AHNAK: variants seen among roughly 807,000 people sequenced by gnomAD.
AHNAK encodes the protein AHNAK nucleoprotein, also known as neuroblast differentiation-associated protein AHNAK.
In AHNAK, 23 loss-of-function variants were observed where a neutral mutation model predicts 37.8. That is an observed-to-expected ratio of 0.61 (90% CI 0.44 to 0.86). The LOEUF (loss-of-function observed/expected upper bound fraction) is 0.86, where lower values mean the gene tolerates loss of function less well. Among genes scored for constraint, AHNAK ranks in the 40% least tolerant of loss-of-function variants. The probability of loss-of-function intolerance (pLI) is 0.00; values close to 1 mark genes in which losing one functional copy is unlikely to be tolerated. For missense variants in AHNAK, 7,411 were observed against 7,319.4 expected, an observed-to-expected ratio of 1.01 and a Z score of -0.46; for synonymous variants, 2,481 against 2,636.3, an observed-to-expected ratio of 0.94 and a Z score of 1.80.
rs753840172 is a variant in AHNAK, at chr11:62,535,082, C to A, written c.263G>T (p.Arg88Leu). ...AGGCTCGGGAGAGCGGTCCCCCTTGCGGTGCAGCTTCAGGCCCACCGTGTG... is the reference window on the plus strand; with the variant it reads ...AGGCTCGGGAGAGCGGTCCCCCTTGAGGTGCAGCTTCAGGCCCACCGTGTG... ...GHHTVGLKLH[R>L]KGDRSPEPGQ... is the part of the protein sequence containing the mutation. Residue 88 changes from arginine (R) to leucine (L), a missense_variant, in exon 4 of 5, where the codon CGC (arginine) becomes CTC (leucine). Arg to Leu is a moderately radical substitution (Grantham distance 102, BLOSUM62 -2). Coordinates refer to ENST00000378024, the MANE Select transcript of AHNAK (RefSeq NM_001620.3). 3.7e-6 allele frequency: 6 copies of A among 1,614,028 alleles called. No homozygotes were observed. Among genetic ancestry groups the A allele is most frequent in the South Asian group, 2.2e-5 (2 of 91,074 alleles).
chr11:62,528,092 C>T lies in AHNAK; in HGVS notation c.6325G>A (p.Glu2109Lys). 1 of 1,612,590 alleles carries T rather than the reference C, an allele frequency of 6.2e-7. No individual in the cohort carries two copies. Among genetic ancestry groups the T allele is most frequent in the Non-Finnish European group, 8.5e-7 (1 of 1,179,648 alleles). Residue 2109 changes from glutamate to lysine, a missense_variant, in exon 5 of 5, where the codon GAG becomes AAG. Transcript: ENST00000378024. ...KLKGPKLKMP[E>K]MHFKAPKISM... ...ATCTTGGGGGCCTTGAAGTGCATCTCAGGCATCTTAAGCTTGGGGCCCTTC... is the reference window on the plus strand; with the variant it reads ...ATCTTGGGGGCCTTGAAGTGCATCTTAGGCATCTTAAGCTTGGGGCCCTTC...
chr11:62,528,276 C>T lies in AHNAK; in HGVS notation c.6141G>A (p.Lys2047=), dbSNP rs193043219. 94 of 1,614,110 alleles carry T rather than the reference C, an allele frequency of 5.8e-5. No homozygotes were observed. The African/African-American group carries it at 1.0e-3, about 18-fold the overall frequency. The change falls in exon 5 of 5, where the codon AAG becomes AAA. Residue 2047 remains lysine (K), a synonymous_variant. Transcript: ENST00000378024. ...ACTTGGGCATTTTCATCTTGGGCAT[C>T]TTCAGGTGCCAGTCTGGGCCATGAA... ...VDVHGPDWHL[K]MPKMKMPKFS... is the part of the protein sequence containing the mutation.
Position 62,526,259 on chromosome 11 carries a change from T to G in AHNAK, c.8158A>C (p.Lys2720Gln). The stretch of plus-strand genomic sequence containing the variant: ...GAAACATCCACATCACCCTTCACTT[T>G]GGGTCCTTTCAGGTTTAAGTCAATA... ...PDIDLNLKGP[K>Q]VKGDVDVSLP... The change falls in exon 5 of 5, where the codon AAA (lysine) becomes CAA (glutamine). Residue 2720 changes from lysine to glutamine, a missense_variant. Lys to Gln is a moderately conservative substitution (Grantham distance 53). Coordinates refer to ENST00000378024, the MANE Select transcript of AHNAK (RefSeq NM_001620.3). The G allele has an allele frequency of 6.2e-7, 1 of 1,613,824 alleles. No individual in the cohort carries two copies. The highest frequency in any genetic ancestry group is 1.1e-5 in the South Asian group (1 of 91,058).
intron 5 of AHNAK, among the ~76,000 whole-genome samples, chr11:62,450,672 C>G (rs1209089586): frequency 2.0e-5 from 3 of 152,230 alleles, no homozygotes; most frequent in Non-Finnish European, 4.4e-5. Context: ...TCTGCTCCCA[C>G]CGTCTCCCTT....
intron 4 of AHNAK, among the ~76,000 whole-genome samples, chr11:62,502,899 C>T (rs1268944576): frequency 6.6e-6 from 1 of 152,134 alleles, no homozygotes; most frequent in African/African-American, 2.4e-5. Flanking sequence ...GTAGCTAAGT[C>T]AAAAGCAGAG....
At chr11:62,457,434 C>T (rs1299915935) in intron 5 of AHNAK, among the ~76,000 whole-genome samples, 3 of 149,500 alleles carry the variant, frequency 2.0e-5, no homozygotes, top group Non-Finnish European at 4.4e-5. Flanking sequence ...GGTGACAGAC[C>T]GAGACTCCTT....
chr11:62,490,477 AG>A (rs1939486493), intron 5 of AHNAK, among the ~76,000 whole-genome samples: 1 of 152,062 alleles, frequency 6.6e-6, no homozygotes, highest in Admixed American at 6.5e-5. Context: ...CTGGGATTAC[AG>A]GCGTCAGCCA....
intron 5 of AHNAK, among the ~76,000 whole-genome samples, chr11:62,446,830 C>T (rs1349126386): frequency 6.6e-6 from 1 of 151,940 alleles, no homozygotes; most frequent in African/African-American, 2.4e-5. Flanking sequence ...AATCTTTACC[C>T]TCTCTCTCAC....
chr11:62,472,923 C>T (rs975125233), intron 5 of AHNAK, among the ~76,000 whole-genome samples: 2 of 150,802 alleles, frequency 1.3e-5, no homozygotes, highest in East Asian at 1.9e-4. Flanking sequence ...CTTGTCTCTA[C>T]TAAAAATACA....
At chr11:62,438,816 C>T (rs9645690) in intron 5 of AHNAK, among the ~76,000 whole-genome samples, 51,177 of 151,992 alleles carry the variant, frequency 0.34, 9,740 homozygotes, top group East Asian at 0.65. Context: ...GGCGTGGAGA[C>T]AACTGATTTG....
intron 4 of AHNAK, among the ~76,000 whole-genome samples, chr11:62,505,171 G>T (rs1018281656): frequency 2.0e-5 from 3 of 152,058 alleles, no homozygotes; most frequent in African/African-American, 4.8e-5. Flanking sequence ...CCTGGTCTCA[G>T]CAGCTTCCCG....
chr11:62,458,578 G>A (rs1217089778), intron 5 of AHNAK, among the ~76,000 whole-genome samples: 1 of 152,190 alleles, frequency 6.6e-6, no homozygotes, highest in African/African-American at 2.4e-5. Context: ...TGGAGGGTGG[G>A]AGGAGGGCAG....
chr11:62,515,594 A>G (rs759709112), downstream of AHNAK, among the ~76,000 whole-genome samples: 50 of 152,208 alleles, frequency 3.3e-4, no homozygotes, highest in Admixed American at 2.3e-3. Flanking sequence ...GAGGCCTTTT[A>G]ACTGTTCACA....
intron 5 of AHNAK, among the ~76,000 whole-genome samples, chr11:62,437,679 TTAGGAG>T (rs1325745514): frequency 6.6e-6 from 1 of 152,118 alleles, no homozygotes; most frequent in Non-Finnish European, 1.5e-5. Context: ...ACCCAAATAC[TTAGGAG>T]TAGAATTTCT....
In AHNAK at chr11:62,517,466, T is replaced by G; in HGVS notation, c.16951A>C (p.Ser5651Arg). 6.2e-7 allele frequency: 1 copy of G among 1,614,152 alleles called. No individual in the cohort carries two copies. Among genetic ancestry groups the G allele is most frequent in the Non-Finnish European group, 8.5e-7 (1 of 1,180,034 alleles). The change falls in exon 5 of 5, where the codon AGT becomes CGT. Residue 5651 changes from serine to arginine, a missense_variant. Physicochemically the swap from Ser to Arg is moderately radical, Grantham distance 110. Coordinates refer to ENST00000378024, the MANE Select transcript of AHNAK (RefSeq NM_001620.3). ...SVSGPQGHLE[S>R]GSGKVTFPKM... ...GGGAATGTTACTTTTCCAGATCCAC[T>G]TTCCAAGTGACCTTGAGGCCCAGAC...
At chr11:62,439,804 A>G (rs1373961987) in intron 5 of AHNAK, among the ~76,000 whole-genome samples, 2 of 151,104 alleles carry the variant, frequency 1.3e-5, no homozygotes, top group Non-Finnish European at 2.9e-5. Flanking sequence ...AGTAGGTGGG[A>G]CTATAGGCAC....
intron 5 of AHNAK, chr11:62,491,614 G>T: frequency 1.1e-6 from 1 of 949,056 alleles, no homozygotes; most frequent in Non-Finnish European, 1.6e-6. Flanking sequence ...CTGGGGTCCT[G>T]AGCCATATCC....
rs140429450 is a variant in AHNAK at position 62,531,602 on chromosome 11, T to A, written c.2815A>T (p.Met939Leu). ...GAGATCTTGGGGGCCTTGATATTCA[T>A]CTCTGGCATCTTGAACTTGGGGCCC... ...LKGPKFKMPE[M>L]NIKAPKISMP... The change falls in exon 5 of 5, where the codon ATG (methionine) becomes TTG (leucine). Residue 939 changes from methionine (M) to leucine (L), a missense_variant. Physicochemically the swap from Met to Leu is conservative, Grantham distance 15. Transcript: ENST00000378024. 72 of 1,613,668 alleles carry A rather than the reference T, an allele frequency of 4.5e-5. No homozygotes were observed. The highest frequency in any genetic ancestry group is 5.8e-5 in the Non-Finnish European group (68 of 1,179,940).
chr11:62,525,481 C>T lies in AHNAK; in HGVS notation c.8936G>A (p.Gly2979Asp). 1 of 1,613,618 alleles carries T rather than the reference C, an allele frequency of 6.2e-7. No individual in the cohort carries two copies. The highest frequency in any genetic ancestry group is 8.5e-7 in the Non-Finnish European group (1 of 1,179,942). Residue 2979 changes from glycine to aspartate, a missense_variant, in exon 5 of 5, where the codon GGC (glycine) becomes GAC (aspartate). Coordinates refer to ENST00000378024, the MANE Select transcript of AHNAK (RefSeq NM_001620.3). Reference protein sequence around the residue: ...DLHLKGPKVKGDVDISLPKVE... With the variant: ...DLHLKGPKVKDDVDISLPKVE... ...TTTGGGCAGAGAAATATCCACATCGCCCTTCACCTTGGGACCTTTCAGATG... is the reference window on the plus strand; with the variant it reads ...TTTGGGCAGAGAAATATCCACATCGTCCTTCACCTTGGGACCTTTCAGATG...
Sources: gnomAD v4.1 joint callset for allele counts (sites outside exome capture counted in the v4.1 genomes callset) on GRCh38, gnomAD v4.1.1 for gene constraint, MANE v1.5 for transcripts, NCBI Gene and HGNC (gene_info 2026-07-23, HGNC 2026-07-21) for gene names.